The following TIPIN variants were observed in gnomAD, a reference collection of about 807,000 sequenced individuals.
TIPIN encodes the protein TIMELESS-interacting protein.
Under a neutral mutation model 35.6 loss-of-function variants are expected in TIPIN, and 29 were observed. The ratio of observed to expected loss-of-function variants is 0.82; its 90% confidence interval spans 0.61 to 1.11. The LOEUF is 1.11. Ranked by LOEUF, TIPIN falls within the 50% of genes most tolerant of loss-of-function variation. TIPIN has a pLI of 0.00. For missense variants in TIPIN, 296 were observed against 345.4 expected (o/e 0.86, Z 1.13); for synonymous variants, 102 against 121.5 (o/e 0.84, Z 1.06).
intron 1 of TIPIN, among the ~76,000 whole-genome samples, chr15:66,365,529 G>C (rs1269543817): frequency 6.6e-6 from 1 of 152,154 alleles, no homozygotes; most frequent in Non-Finnish European, 1.5e-5. Context: ...AGCCCAAGCT[G>C]CTGCTCTGCA....
intron 1 of TIPIN, among the ~76,000 whole-genome samples, chr15:66,363,470 C>T (rs891164816): frequency 6.6e-6 from 1 of 150,966 alleles, no homozygotes; most frequent in Admixed American, 6.6e-5. Flanking sequence ...GGTGAAACCC[C>T]GTCTCTACTA....
At chr15:66,371,577 G>C (rs1410957214) in intron 1 of TIPIN, among the ~76,000 whole-genome samples, 1 of 150,882 alleles carries the variant, frequency 6.6e-6, no homozygotes, top group South Asian at 2.1e-4. Flanking sequence ...GCAGTGGCGC[G>C]ATCTCGGCTC....
intron 6 of TIPIN, among the ~76,000 whole-genome samples, chr15:66,346,791 A>G (rs1595790853): frequency 6.6e-6 from 1 of 152,160 alleles, no homozygotes; most frequent in East Asian, 1.9e-4. Flanking sequence ...GATTATTTAA[A>G]TCACATTCCT....
intron 1 of TIPIN, among the ~76,000 whole-genome samples, chr15:66,373,592 T>C (rs892599877): frequency 1.7e-4 from 26 of 152,274 alleles, no homozygotes; most frequent in African/African-American, 6.0e-4. Context: ...ATCGCCAGTT[T>C]TCCAAACTGG....
At position 66,349,381 on chromosome 15, in the gene TIPIN, G is replaced by T; in HGVS notation, c.345C>A (p.Phe115Leu). Residue 115 changes from phenylalanine (F) to leucine (L), a missense_variant, in exon 5 of 8, where the codon TTC (phenylalanine) becomes TTA (leucine). Phe to Leu is a conservative substitution (Grantham distance 22). Coordinates refer to ENST00000261881, the MANE Select transcript of TIPIN (RefSeq NM_017858.3). ...TAAAATCCTCAAACTGCAGTTTAGG[G>T]AATAGCCTATGTGCCCAGTGCTCCA... ...RHMEHWAHRL[F>L]PKLQFEDFID... is the part of the protein sequence containing the mutation. 3 of 1,614,024 alleles carry T rather than the reference G, an allele frequency of 1.9e-6. No homozygotes were observed. Among genetic ancestry groups the T allele is most frequent in the Non-Finnish European group, 2.5e-6 (3 of 1,180,002 alleles).
Position 66,352,968 on chromosome 15 carries a change from A to T in TIPIN, c.-8-13T>A, listed in dbSNP as rs2093178825. 1.2e-6 allele frequency: 2 copies of T among 1,604,250 alleles called. No homozygotes were observed. The highest frequency in any genetic ancestry group is 1.7e-6 in the Non-Finnish European group (2 of 1,174,650). ...AGCATCTTTTCCTCTAGGGGAAAAA[A>T]TTAAAGTTATTTGTATTCATCCAAA... On this transcript the variant is annotated splice_polypyrimidine_tract_variant and intron_variant, in intron 1 of 7. Coordinates refer to ENST00000261881, the MANE Select transcript of TIPIN (RefSeq NM_017858.3).
At chr15:66,362,251 C>G (rs575839436) in intron 1 of TIPIN, among the ~76,000 whole-genome samples, 1 of 151,112 alleles carries the variant, frequency 6.6e-6, no homozygotes, top group Admixed American at 6.6e-5. Flanking sequence ...TGCAGTGAGC[C>G]GAGATTGCGT....
intron 7 of TIPIN, among the ~76,000 whole-genome samples, chr15:66,340,301 C>T (rs1234315923): frequency 6.7e-6 from 1 of 150,366 alleles, no homozygotes; most frequent in African/African-American, 2.5e-5. Context: ...CCTCAGCCTC[C>T]CAAGTGGCTG....
chr15:66,339,155 A>G lies in TIPIN; in HGVS notation c.683-1974T>C, dbSNP rs146417265. Among the ~76,000 whole-genome samples the G allele has an allele frequency of 2.2e-3, 117 of 52,176 alleles. 39 individuals are homozygous for G. The highest frequency in any genetic ancestry group is 0.017 in the East Asian group (32 of 1,902). 34.2% of individuals were successfully genotyped at this position (52,176 alleles called of 152,430 possible). ...TCAAAAAAAAAAAAAAAAAAAAAAAAAAGCAAAAAGAAAAAGTAAATTCAT... is the reference window on the plus strand; with the variant it reads ...TCAAAAAAAAAAAAAAAAAAAAAAAGAAGCAAAAAGAAAAAGTAAATTCAT... On this transcript the variant is annotated intron_variant, in intron 7 of 7. Transcript: ENST00000261881.
At chr15:66,368,122 A>G (rs2093264600) in intron 1 of TIPIN, among the ~76,000 whole-genome samples, 1 of 152,058 alleles carries the variant, frequency 6.6e-6, no homozygotes, top group South Asian at 2.1e-4. Context: ...GTGAGACCCT[A>G]CGCCCAGCCT....
intron 1 of TIPIN, chr15:66,383,765 G>C (rs891995677): frequency 3.5e-5 from 6 of 170,788 alleles, no homozygotes; most frequent in African/African-American, 1.4e-4. Context: ...AAGAAGTCTA[G>C]AGATCTAATG....
At chr15:66,364,039 T>C (rs975478218) in intron 1 of TIPIN, among the ~76,000 whole-genome samples, 3 of 151,202 alleles carry the variant, frequency 2.0e-5, no homozygotes, top group Non-Finnish European at 4.4e-5. Context: ...TCCACCCCCA[T>C]GACCCAAACA....
At chr15:66,377,229 ATT>A (rs531589263) in intron 1 of TIPIN, among the ~76,000 whole-genome samples, 1 of 152,166 alleles carries the variant, frequency 6.6e-6, no homozygotes, top group South Asian at 2.1e-4. Context: ...CATAATTTGC[ATT>A]TCTCTAAGCG....
intron 1 of TIPIN, among the ~76,000 whole-genome samples, chr15:66,376,596 T>G (rs2093297786): frequency 6.6e-6 from 1 of 151,528 alleles, no homozygotes; most frequent in Non-Finnish European, 1.5e-5. Context: ...GCCTGGCTAA[T>G]TTTTTGTATT....
At chr15:66,383,465 G>A (rs1227209187) in intron 1 of TIPIN, 2 of 324,522 alleles carry the variant, frequency 6.2e-6, no homozygotes, top group African/African-American at 4.5e-5. Context: ...GTTTCACCAT[G>A]TTGGCCAGGC....
upstream of TIPIN, chr15:66,356,737 G>A (rs1385917215): frequency 2.0e-6 from 2 of 985,334 alleles, no homozygotes; most frequent in African/African-American, 3.5e-5. Flanking sequence ...AGGGCCCGCA[G>A]CGTTTGGCGC....
chr15:66,373,738 C>A (rs980828428), intron 1 of TIPIN, among the ~76,000 whole-genome samples: 3 of 152,022 alleles, frequency 2.0e-5, no homozygotes, highest in Admixed American at 1.3e-4. Context: ...TGCTCTGTCA[C>A]TCAGGGTAGA....
At chr15:66,352,768 A>G in intron 2 of TIPIN, 47 bp downstream of exon 2, 4 of 1,543,750 alleles carry the variant, frequency 2.6e-6, no homozygotes, top group Non-Finnish European at 3.5e-6. Flanking sequence ...GGCATGAGCC[A>G]CCGTGCCTGG....
At chr15:66,368,793 G>T (rs989794680) in intron 1 of TIPIN, among the ~76,000 whole-genome samples, 2 of 152,106 alleles carry the variant, frequency 1.3e-5, no homozygotes, top group Non-Finnish European at 1.5e-5. Context: ...TTTAATTAGA[G>T]ATATTTGAAA....
Sources: gnomAD v4.1 joint callset for allele counts (sites outside exome capture counted in the v4.1 genomes callset) on GRCh38, gnomAD v4.1.1 for gene constraint, MANE v1.5 for transcripts, NCBI Gene and HGNC (gene_info 2026-07-23, HGNC 2026-07-21) for gene names.